The following SRGAP1 variants were observed in gnomAD, a reference collection of about 807,000 sequenced individuals.
The protein encoded by SRGAP1 is SLIT-ROBO Rho GTPase-activating protein 1.
A neutral mutation model predicts 121.9 loss-of-function variants in SRGAP1; 43 were observed. The observed-to-expected ratio is 0.35, with a 90% CI of 0.28 to 0.46. SRGAP1 has a LOEUF of 0.46. SRGAP1 is among the 20% of genes least tolerant of loss of function. SRGAP1 has a pLI of 1.00. For missense variants in SRGAP1, 1,102 were observed against 1,350.9 expected, an observed-to-expected ratio of 0.82 and a Z score of 2.89; for synonymous variants, 447 against 485.4, an observed-to-expected ratio of 0.92 and a Z score of 1.04.
At chr12:63,963,202 C>T (rs2032693994) in intron 1 of SRGAP1, among the ~76,000 whole-genome samples, 1 of 152,142 alleles carries the variant, frequency 6.6e-6, no homozygotes, top group South Asian at 2.1e-4. Context: ...AATCAATAGA[C>T]AGTGCATTGT....
Position 64,121,944 on chromosome 12 carries a change from C to A in SRGAP1, c.2225-4033C>A, listed in dbSNP as rs143750649. Among the ~76,000 whole-genome samples, 9 of 152,180 alleles carry A rather than the reference C, an allele frequency of 5.9e-5. No individual in the cohort carries two copies. In the East Asian group the frequency reaches 1.7e-3, roughly 29 times the overall value. On this transcript the variant is annotated intron_variant, in intron 18 of 21. Coordinates refer to ENST00000355086, the MANE Select transcript of SRGAP1 (RefSeq NM_020762.4). ...AGAGTATCAATTATCCTTTGATTGC[C>A]GAGGTATTGTATTTTTTCTCTGTCA...
chr12:64,150,934 C>CAAAAAAAAAAAAAAAAA lies in SRGAP1; in HGVS notation c.*8272_*8288dup, dbSNP rs750351170. On this transcript the variant is annotated 3_prime_UTR_variant, in exon 22 of 22. Coordinates refer to ENST00000355086, the MANE Select transcript of SRGAP1 (RefSeq NM_020762.4). ...TGGGTGGAAGAGTGAGAAGCTATCT[C>CAAAAAAAAAAAAAAAAA]AAAAAAAAAAAAAAAAAAAAAAAAA... 120 of 24,710 alleles carry CAAAAAAAAAAAAAAAAA rather than the reference C, an allele frequency of 4.9e-3. 25 individuals carry two copies. The highest frequency in any genetic ancestry group is 8.3e-3 in the East Asian group (4 of 480). 1.5% of individuals were successfully genotyped at this position (24,710 alleles called of 1,614,324 possible).
intron 6 of SRGAP1, among the ~76,000 whole-genome samples, chr12:64,052,352 G>A (rs1291443058): frequency 6.6e-6 from 1 of 152,036 alleles, no homozygotes; most frequent in African/African-American, 2.4e-5. Flanking sequence ...TCAGAAGTTC[G>A]AGACCAGCTG....
intron 1 of SRGAP1, among the ~76,000 whole-genome samples, chr12:63,981,781 C>G (rs1156453470): frequency 1.3e-5 from 2 of 152,200 alleles, no homozygotes; most frequent in Non-Finnish European, 2.9e-5. Context: ...TCCCCCAGGA[C>G]TCCCCAGAAA....
At chr12:63,926,449 G>A (rs1357777552) in intron 1 of SRGAP1, among the ~76,000 whole-genome samples, 1 of 152,166 alleles carries the variant, frequency 6.6e-6, no homozygotes, top group Non-Finnish European at 1.5e-5. Flanking sequence ...AAGTGGTCCA[G>A]CTGAATTTAG....
intron 1 of SRGAP1, among the ~76,000 whole-genome samples, chr12:63,861,546 G>A (rs992383356): frequency 2.0e-5 from 3 of 151,968 alleles, no homozygotes; most frequent in African/African-American, 7.3e-5. Context: ...TGATCTGCCT[G>A]CCTCTGCCTC....
intron 1 of SRGAP1, among the ~76,000 whole-genome samples, chr12:63,860,722 A>G (rs1899415885): frequency 1.3e-5 from 2 of 152,122 alleles, no homozygotes; most frequent in Admixed American, 1.3e-4. Context: ...TAGTCTTTTC[A>G]AAGAACTAGG....
At chr12:63,913,197 T>C (rs1438292979) in intron 1 of SRGAP1, among the ~76,000 whole-genome samples, 1 of 31,572 alleles carries the variant, frequency 3.2e-5, no homozygotes, top group African/African-American at 1.3e-4. Context: ...AATCCTTCTT[T>C]TTTTTTTTTT....
At chr12:64,005,855 A>C (rs1265854815) in intron 3 of SRGAP1, among the ~76,000 whole-genome samples, 2 of 152,080 alleles carry the variant, frequency 1.3e-5, no homozygotes, top group Non-Finnish European at 2.9e-5. Context: ...TTTTTCCCAA[A>C]ACAGAATAGG....
At chr12:64,010,499 A>G (rs914919953) in intron 3 of SRGAP1, among the ~76,000 whole-genome samples, 5 of 152,056 alleles carry the variant, frequency 3.3e-5, no homozygotes, top group African/African-American at 1.2e-4. Flanking sequence ...CTGTTTTGGT[A>G]TGTCTGGCGT....
chr12:64,010,349 G>T (rs892455698), intron 3 of SRGAP1, among the ~76,000 whole-genome samples: 14 of 152,240 alleles, frequency 9.2e-5, no homozygotes, highest in Admixed American at 9.2e-4. Flanking sequence ...CTCATACGTG[G>T]TTGTTTTAAC....
At position 64,146,271 on chromosome 12, in the gene SRGAP1, T is replaced by A. The variant is rs767745861; in HGVS notation, c.*3599T>A. On this transcript the variant is annotated 3_prime_UTR_variant, in exon 22 of 22. Coordinates refer to ENST00000355086, the MANE Select transcript of SRGAP1 (RefSeq NM_020762.4). Reference sequence around the variant, plus strand: ...ACCTGTAGAATAATTTATAGCAGGGTCCCACAATCTACTGCAATGATCGTG... The same window carrying A: ...ACCTGTAGAATAATTTATAGCAGGGACCCACAATCTACTGCAATGATCGTG... 2.0e-5 allele frequency: 3 copies of A among 152,152 alleles called. No homozygotes were observed. Among genetic ancestry groups the A allele is most frequent in the Non-Finnish European group, 2.9e-5 (2 of 68,036 alleles). 9.4% of individuals were successfully genotyped at this position (152,152 alleles called of 1,614,324 possible).
At chr12:63,848,359 C>A (rs921236174) in intron 1 of SRGAP1, among the ~76,000 whole-genome samples, 1 of 152,058 alleles carries the variant, frequency 6.6e-6, no homozygotes, top group African/African-American at 2.4e-5. Context: ...GTTTTGGGAA[C>A]AGACTTCATG....
chr12:64,081,348 C>G (rs552240777), intron 10 of SRGAP1: 2 of 152,146 alleles, frequency 1.3e-5, no homozygotes, highest in East Asian at 3.9e-4. Context: ...TTTCTATCAC[C>G]TTATCTCCTG....
intron 18 of SRGAP1, among the ~76,000 whole-genome samples, chr12:64,121,081 T>C (rs537788525): frequency 6.6e-6 from 1 of 150,652 alleles, no homozygotes; most frequent in Non-Finnish European, 1.5e-5. Context: ...TGGCACAATC[T>C]TGGCTCACTG....
chr12:63,943,170 A>G (rs1050324240), intron 1 of SRGAP1, among the ~76,000 whole-genome samples: 1 of 152,212 alleles, frequency 6.6e-6, no homozygotes, highest in Non-Finnish European at 1.5e-5. Flanking sequence ...TCATTCAAGG[A>G]ACAAAATATT....
At chr12:64,028,355 A>T (rs1246829151) in intron 4 of SRGAP1, among the ~76,000 whole-genome samples, 1 of 152,252 alleles carries the variant, frequency 6.6e-6, no homozygotes, top group Non-Finnish European at 1.5e-5. Flanking sequence ...CTTGTTGGGC[A>T]TGATTAAGTC....
chr12:63,886,045 T>C (rs1008531527), intron 1 of SRGAP1, among the ~76,000 whole-genome samples: 1 of 152,220 alleles, frequency 6.6e-6, no homozygotes, highest in Non-Finnish European at 1.5e-5. Context: ...TTCTATAAAA[T>C]ATAGTATAAT....
In SRGAP1 at chr12:64,157,001, T is replaced by C. The variant is rs1231752193; in HGVS notation, c.*14329T>C. On this transcript the variant is annotated 3_prime_UTR_variant, in exon 22 of 22. Transcript: ENST00000355086. Reference sequence around the variant, plus strand: ...GGACCAGAAAGCGGATGGTTTGATATGGTAGCTGCACTTCTAAAAAAAAAA... The same window carrying C: ...GGACCAGAAAGCGGATGGTTTGATACGGTAGCTGCACTTCTAAAAAAAAAA... 6.6e-6 allele frequency: 1 copy of C among 152,050 alleles called. No homozygotes were observed. Among genetic ancestry groups the C allele is most frequent in the African/African-American group, 2.4e-5 (1 of 41,352 alleles). The allele number at this position is 152,050 out of a possible 1,614,324, so 9.4% of individuals were successfully genotyped here.
Sources: allele counts gnomAD v4.1 joint callset (sites outside exome capture counted in the v4.1 genomes callset), GRCh38; gene constraint gnomAD v4.1.1; transcripts MANE v1.5; gene names NCBI Gene and HGNC (gene_info 2026-07-23, HGNC 2026-07-21).